ANXA8: variants seen among roughly 807,000 people sequenced by gnomAD.
ANXA8 encodes VAC-beta.
ANXA8 carries 9 observed loss-of-function variants against 26.8 expected under a neutral mutation model. The observed-to-expected ratio is 0.34, with a 90% CI of 0.20 to 0.59. The LOEUF (loss-of-function observed/expected upper bound fraction) is 0.59, where lower values mean the gene tolerates loss of function less well. ANXA8 is among the 20% of genes least tolerant of loss of function. The pLI, the probability that ANXA8 is intolerant of heterozygous loss-of-function variation, is 0.84. For missense variants in ANXA8, 83 were observed against 238.5 expected (o/e 0.35, Z 4.29); for synonymous variants, 39 against 94.8 (o/e 0.41, Z 3.42).
At chr10:47,495,543 C>T in the ANXA8 span, among the ~76,000 whole-genome samples, 1 of 149,768 alleles carries the variant, frequency 6.7e-6, no homozygotes, top group African/African-American at 2.5e-5. Context: ...GCCTCGGCCT[C>T]CCAAAGGGCT....
chr10:47,552,914 G>A, the ANXA8 span, among the ~76,000 whole-genome samples: 21 of 149,742 alleles, frequency 1.4e-4, no homozygotes, highest in East Asian at 5.9e-4. Context: ...ATGCAATAAG[G>A]GCTACATTGC....
At chr10:47,547,302 AC>A in the ANXA8 span, among the ~76,000 whole-genome samples, 1 of 141,320 alleles carries the variant, frequency 7.1e-6, no homozygotes, top group Non-Finnish European at 1.5e-5. Flanking sequence ...GAGCTACAGT[AC>A]TTACTGATTA....
At chr10:47,737,453 T>C in the ANXA8 span, among the ~76,000 whole-genome samples, 2 of 151,330 alleles carry the variant, frequency 1.3e-5, no homozygotes, top group African/African-American at 4.9e-5. Flanking sequence ...AGATGTGATC[T>C]TTATTATAAT....
the ANXA8 span, among the ~76,000 whole-genome samples, chr10:47,937,193 A>G: frequency 1.0e-3 from 152 of 149,536 alleles, 3 homozygotes; most frequent in African/African-American, 3.4e-3. Context: ...TCCAAGCCCC[A>G]CACTTGTCCG....
the ANXA8 span, among the ~76,000 whole-genome samples, chr10:47,928,975 A>G: frequency 8.3e-6 from 1 of 120,172 alleles, no homozygotes; most frequent in Non-Finnish European, 1.8e-5. Flanking sequence ...GGGTCTCCCT[A>G]TGTTGTCCAG....
the ANXA8 span, among the ~76,000 whole-genome samples, chr10:47,948,634 TG>T: frequency 6.7e-6 from 1 of 149,258 alleles, no homozygotes; most frequent in East Asian, 2.1e-4. Flanking sequence ...TGCAAGTATA[TG>T]GATCACATAC....
the ANXA8 span, among the ~76,000 whole-genome samples, chr10:47,577,348 G>A: frequency 6.8e-6 from 1 of 147,898 alleles, no homozygotes; most frequent in African/African-American, 2.6e-5. Context: ...CAGCCTGGGC[G>A]ACATAAGGAG....
At chr10:47,571,022 C>T in the ANXA8 span, among the ~76,000 whole-genome samples, 7 of 150,268 alleles carry the variant, frequency 4.7e-5, no homozygotes, top group African/African-American at 7.5e-5. Flanking sequence ...CTCACTCACA[C>T]TTTTATAGGA....
At chr10:47,534,533 T>C in the ANXA8 span, among the ~76,000 whole-genome samples, 1 of 139,686 alleles carries the variant, frequency 7.2e-6, no homozygotes, top group Non-Finnish European at 1.5e-5. Context: ...CATTTACAAA[T>C]CTGCTTTTTT....
the ANXA8 span, among the ~76,000 whole-genome samples, chr10:47,646,015 C>G: frequency 2.0e-5 from 3 of 148,906 alleles, no homozygotes; most frequent in Non-Finnish European, 4.4e-5. Context: ...CCAATTCCTC[C>G]CAAGAATTAT....
chr10:47,705,007 T>C, the ANXA8 span, among the ~76,000 whole-genome samples: 1 of 152,132 alleles, frequency 6.6e-6, no homozygotes, highest in Admixed American at 6.5e-5. Flanking sequence ...GGCTCATGCC[T>C]GTAATGCCAG....
the ANXA8 span, among the ~76,000 whole-genome samples, chr10:47,548,359 T>C: frequency 1.4e-5 from 2 of 147,556 alleles, no homozygotes; most frequent in Middle Eastern, 3.5e-3. Context: ...TAGAGTGCAA[T>C]GGCACGATCT....
the ANXA8 span, among the ~76,000 whole-genome samples, chr10:47,776,995 TAA>T: frequency 1.3e-5 from 2 of 151,890 alleles, no homozygotes; most frequent in African/African-American, 4.8e-5. Flanking sequence ...CCCCTCTGGT[TAA>T]AAGTGTCACC....
the ANXA8 span, among the ~76,000 whole-genome samples, chr10:47,674,579 T>C: frequency 6.6e-6 from 1 of 151,636 alleles, no homozygotes; most frequent in Admixed American, 6.6e-5. Flanking sequence ...TTACATACTG[T>C]ACTCTTTGGA....
At chr10:47,679,971 G>A in the ANXA8 span, among the ~76,000 whole-genome samples, 3 of 151,948 alleles carry the variant, frequency 2.0e-5, no homozygotes, top group Non-Finnish European at 4.4e-5. Context: ...TCTGGTGTTC[G>A]GTTTTTTGTT....
chr10:47,507,531 G>A, the ANXA8 span: 1 of 1,521,506 alleles, frequency 6.6e-7, no homozygotes, highest in Admixed American at 1.8e-5. Context: ...AACAAGACAG[G>A]TTTCTAAAAA....
the ANXA8 span, among the ~76,000 whole-genome samples, chr10:47,674,886 A>G: frequency 1.3e-5 from 2 of 151,770 alleles, no homozygotes; most frequent in East Asian, 3.8e-4. Context: ...CTGTCAGTAT[A>G]TGTGTGTATG....
At chr10:47,570,374 C>T in the ANXA8 span, among the ~76,000 whole-genome samples, 3 of 147,330 alleles carry the variant, frequency 2.0e-5, no homozygotes, top group African/African-American at 7.7e-5. Context: ...CTATCAGTAT[C>T]AGTATAGTTA....
At chr10:47,658,219 T>C in the ANXA8 span, among the ~76,000 whole-genome samples, 2 of 151,626 alleles carry the variant, frequency 1.3e-5, no homozygotes, top group Admixed American at 6.6e-5. Context: ...AATATAAAAA[T>C]CAGCTAGCCA....
Sources: gnomAD v4.1 joint callset for allele counts (sites outside exome capture counted in the v4.1 genomes callset) on GRCh38, gnomAD v4.1.1 for gene constraint, MANE v1.5 for transcripts, NCBI Gene and HGNC (gene_info 2026-07-23, HGNC 2026-07-21) for gene names.